BMPR1A: variants seen among roughly 807,000 people sequenced by gnomAD.
BMPR1A encodes bone morphogenetic protein receptor type-1A.
In BMPR1A, 7 loss-of-function variants were observed where a neutral mutation model predicts 66.0. The observed-to-expected ratio is 0.11, with a 90% CI of 0.06 to 0.20. The LOEUF (loss-of-function observed/expected upper bound fraction) is 0.20, where lower values mean the gene tolerates loss of function less well. Among genes scored for constraint, BMPR1A ranks in the 10% least tolerant of loss-of-function variants. The pLI is 1.00. For missense variants in BMPR1A, 408 were observed against 669.1 expected (o/e 0.61, Z 4.31); for synonymous variants, 200 against 229.7 (o/e 0.87, Z 1.17).
At chr10:86,910,881 G>C (rs1843470728) in intron 7 of BMPR1A, among the ~76,000 whole-genome samples, 1 of 152,128 alleles carries the variant, frequency 6.6e-6, no homozygotes, top group Admixed American at 6.6e-5. Flanking sequence ...CAAAGCAGGA[G>C]GATTGCTTTG....
rs1022591017 is a variant in BMPR1A, at chr10:86,926,978, A to G, written c.*3259A>G. ...CAAGTTTCTGATGTATAAAACTTGC[A>G]TCTGATTTCTTTGGAAATATTTTCA... On this transcript the variant is annotated 3_prime_UTR_variant, in exon 13 of 13. Coordinates refer to ENST00000372037, the MANE Select transcript of BMPR1A (RefSeq NM_004329.3). The G allele has an allele frequency of 8.0e-5, 15 of 188,444 alleles. No homozygotes were observed. The highest frequency in any genetic ancestry group is 1.1e-4 in the Non-Finnish European group (10 of 89,610). The allele number at this position is 188,444 out of a possible 1,614,324, so 11.7% of individuals were successfully genotyped here.
intron 1 of BMPR1A, among the ~76,000 whole-genome samples, chr10:86,832,983 G>A (rs1472802300): frequency 6.6e-6 from 1 of 152,132 alleles, no homozygotes; most frequent in Non-Finnish European, 1.5e-5. Context: ...GGTGGCTCAC[G>A]CTTATAATCC....
intron 8 of BMPR1A, among the ~76,000 whole-genome samples, chr10:86,916,362 T>C (rs1420160545): frequency 6.6e-6 from 1 of 152,242 alleles, no homozygotes; most frequent in Non-Finnish European, 1.5e-5. Context: ...AGTTCATTTG[T>C]TGGACTTGCT....
chr10:86,757,483 C>T (rs1443224476), intron 1 of BMPR1A, among the ~76,000 whole-genome samples: 1 of 152,190 alleles, frequency 6.6e-6, no homozygotes, highest in Admixed American at 6.5e-5. Context: ...GGAAAACTTT[C>T]TGCTGGATTG....
At chr10:86,861,549 C>A (rs1842714691) in intron 2 of BMPR1A, among the ~76,000 whole-genome samples, 3 of 152,206 alleles carry the variant, frequency 2.0e-5, no homozygotes, top group Admixed American at 2.0e-4. Flanking sequence ...CTTTGTCAGA[C>A]CACATTGTTT....
At chr10:86,800,928 A>G (rs1564689284) in intron 1 of BMPR1A, among the ~76,000 whole-genome samples, 1 of 152,200 alleles carries the variant, frequency 6.6e-6, no homozygotes, top group Non-Finnish European at 1.5e-5. Flanking sequence ...TGAGGAAAAT[A>G]ATCTTCACGT....
At chr10:86,801,387 C>CA (rs1382300782) in intron 1 of BMPR1A, among the ~76,000 whole-genome samples, 1 of 152,238 alleles carries the variant, frequency 6.6e-6, no homozygotes, top group African/African-American at 2.4e-5. Flanking sequence ...GCCATCCACC[C>CA]ACCTTGGTCT....
At chr10:86,772,079 T>C (rs908772330) in intron 1 of BMPR1A, among the ~76,000 whole-genome samples, 5 of 149,100 alleles carry the variant, frequency 3.4e-5, no homozygotes, top group African/African-American at 1.3e-4. Flanking sequence ...TTTTTTTTTC[T>C]CATCTCTGAG....
At chr10:86,845,173 TGGCTGATA>T (rs1354532654) in intron 2 of BMPR1A, among the ~76,000 whole-genome samples, 1 of 152,202 alleles carries the variant, frequency 6.6e-6, no homozygotes, top group Non-Finnish European at 1.5e-5. Context: ...AAAGACTTAC[TGGCTGATA>T]GGTTATTTGG....
At chr10:86,877,128 G>GTT (rs1359069284) in intron 3 of BMPR1A, among the ~76,000 whole-genome samples, 1 of 151,554 alleles carries the variant, frequency 6.6e-6, no homozygotes, top group African/African-American at 2.4e-5. Context: ...TTTTCCTAAT[G>GTT]TTTTGATCAC....
Position 86,926,660 on chromosome 10 carries a change from G to A in BMPR1A, c.*2941G>A, listed in dbSNP as rs571528957. 1 of 183,614 alleles carries A rather than the reference G, an allele frequency of 5.4e-6. No homozygotes were observed. The highest frequency in any genetic ancestry group is 2.0e-4 in the South Asian group (1 of 5,078). The allele number at this position is 183,614 out of a possible 1,614,324, so 11.4% of individuals were successfully genotyped here. Reference sequence around the variant, plus strand: ...AAAGAATATGATAGGCCAGCAAGAAGAAGTATTATGTAGTACCATAGTTAG... The same window carrying A: ...AAAGAATATGATAGGCCAGCAAGAAAAAGTATTATGTAGTACCATAGTTAG... On this transcript the variant is annotated 3_prime_UTR_variant, in exon 13 of 13. Coordinates refer to ENST00000372037, the MANE Select transcript of BMPR1A (RefSeq NM_004329.3).
intron 7 of BMPR1A, among the ~76,000 whole-genome samples, chr10:86,901,150 A>G (rs1478896573): frequency 1.3e-5 from 2 of 152,218 alleles, no homozygotes; most frequent in African/African-American, 4.8e-5. Context: ...GCCAATACCC[A>G]GCCTGCAGCC....
intron 1 of BMPR1A, among the ~76,000 whole-genome samples, chr10:86,806,288 A>T (rs1431587877): frequency 6.6e-6 from 1 of 152,054 alleles, no homozygotes; most frequent in Non-Finnish European, 1.5e-5. Flanking sequence ...CCCTCTTGTA[A>T]CTAGTAAGCA....
chr10:86,852,038 C>CACTGGACTGCAGTGAGCAGGCTGG (rs1842574499), intron 2 of BMPR1A, among the ~76,000 whole-genome samples: 1 of 151,620 alleles, frequency 6.6e-6, no homozygotes, highest in Non-Finnish European at 1.5e-5. Flanking sequence ...GAGCAGTGAT[C>CACTGGACTGCAGTGAGCAGGCTGG]ACATCACTGC....
intron 2 of BMPR1A, among the ~76,000 whole-genome samples, chr10:86,872,232 C>T (rs2133299033): frequency 6.6e-6 from 1 of 152,290 alleles, no homozygotes; most frequent in Non-Finnish European, 1.5e-5. Context: ...ACTTCCTTTG[C>T]CAGGTTGGCA....
intron 5 of BMPR1A, among the ~76,000 whole-genome samples, chr10:86,892,562 GA>G (rs1484563236): frequency 2.0e-5 from 3 of 152,154 alleles, no homozygotes; most frequent in Non-Finnish European, 4.4e-5. Flanking sequence ...CTGAATAGCT[GA>G]GACTACAGGT....
At chr10:86,778,058 T>C (rs1486782279) in intron 1 of BMPR1A, among the ~76,000 whole-genome samples, 1 of 151,740 alleles carries the variant, frequency 6.6e-6, no homozygotes, top group East Asian at 1.9e-4. Context: ...AGGGGGTACA[T>C]AATGTTGACA....
chr10:86,913,480 A>G (rs1478864555), intron 8 of BMPR1A, among the ~76,000 whole-genome samples: 2 of 152,032 alleles, frequency 1.3e-5, no homozygotes, highest in Non-Finnish European at 2.9e-5. Flanking sequence ...TGAATTGGAA[A>G]GGTAAAAGTA....
At chr10:86,865,583 TCACA>T (rs899724130) in intron 2 of BMPR1A, among the ~76,000 whole-genome samples, 3 of 152,232 alleles carry the variant, frequency 2.0e-5, no homozygotes, top group Admixed American at 6.5e-5. Context: ...AGTGGTCTCT[TCACA>T]CAGACGCACA....
Sources: gnomAD v4.1 joint callset for allele counts (sites outside exome capture counted in the v4.1 genomes callset) on GRCh38, gnomAD v4.1.1 for gene constraint, MANE v1.5 for transcripts, NCBI Gene and HGNC (gene_info 2026-07-23, HGNC 2026-07-21) for gene names.